Variants in CHMP6 observed in about 807,000 individuals in gnomAD.
CHMP6 encodes charged multivesicular body protein 6.
In CHMP6, 10 loss-of-function variants were observed where a neutral mutation model predicts 32.8. The ratio of observed to expected loss-of-function variants is 0.30; its 90% CI spans 0.19 to 0.52. The LOEUF (loss-of-function observed/expected upper bound fraction) is 0.52, where lower values mean the gene tolerates loss of function less well. Ranked by LOEUF, CHMP6 falls within the 20% of genes least tolerant of loss-of-function variation. The pLI is 0.97. For missense variants in CHMP6, 269 were observed against 263.8 expected, an observed-to-expected ratio of 1.02 and a Z score of -0.14; for synonymous variants, 123 against 105.8, an observed-to-expected ratio of 1.16 and a Z score of -1.00.
intron 3 of CHMP6, 67 bp downstream of exon 3, chr17:80,995,173 G>T: frequency 1.4e-6 from 2 of 1,459,104 alleles, no homozygotes; most frequent in South Asian, 1.2e-5. Context: ...CGGCTGCGTG[G>T]ACATCAGAAA....
chr17:80,993,814 C>T (rs143215046), intron 1 of CHMP6, among the ~76,000 whole-genome samples: 3 of 152,168 alleles, frequency 2.0e-5, no homozygotes, highest in East Asian at 1.9e-4. Flanking sequence ...GCATCTCATG[C>T]GGCTGAAGCG....
chr17:80,994,202 C>G (rs952221712), intron 1 of CHMP6, among the ~76,000 whole-genome samples: 4 of 152,256 alleles, frequency 2.6e-5, no homozygotes, highest in African/African-American at 4.8e-5. Context: ...GCGTGAGCCA[C>G]TGCGCCCAGC....
intron 1 of CHMP6, among the ~76,000 whole-genome samples, chr17:80,992,423 C>T (rs1319693471): frequency 6.6e-6 from 1 of 152,226 alleles, no homozygotes; most frequent in Non-Finnish European, 1.5e-5. Flanking sequence ...CATTTGCCTC[C>T]TGGTGCCCTG....
At chr17:80,994,133 C>T (rs891794288) in intron 1 of CHMP6, among the ~76,000 whole-genome samples, 6 of 152,198 alleles carry the variant, frequency 3.9e-5, no homozygotes, top group Non-Finnish European at 8.8e-5. Context: ...CCAGGATGGT[C>T]TCGATCTCCT....
intron 7 of CHMP6, 47 bp downstream of exon 7, chr17:80,998,467 A>G (rs199819133): frequency 6.2e-7 from 1 of 1,613,694 alleles, no homozygotes; most frequent in African/African-American, 1.3e-5. Flanking sequence ...TCGCAGGAGA[A>G]AAGTGGATTC....
chr17:80,991,895 C>A lies in CHMP6; in HGVS notation c.-24C>A. 1 of 1,442,654 alleles carries A rather than the reference C, an allele frequency of 6.9e-7. No homozygotes were observed. Among genetic ancestry groups the A allele is most frequent in the Non-Finnish European group, 9.2e-7 (1 of 1,089,504 alleles). The allele number at this position is 1,442,654 out of a possible 1,614,324, so 89.4% of individuals were successfully genotyped here. A position where few individuals can be genotyped will look rare whatever the true frequency, so the allele number is the denominator to read the frequency against. On this transcript the variant is annotated 5_prime_UTR_variant, in exon 1 of 8. Coordinates refer to ENST00000325167, the MANE Select transcript of CHMP6 (RefSeq NM_024591.5). The stretch of plus-strand genomic sequence containing the variant: ...GCGGTGGCGATTGGACTTGGTGGGT[C>A]CCGGGCCAGGGGCGGGCGCCGCCAT...
chr17:80,999,068 G>C, intron 7 of CHMP6, 30 bp from the exon 8 acceptor site: 2 of 1,613,172 alleles, frequency 1.2e-6, no homozygotes, highest in Non-Finnish European at 1.7e-6. Context: ...GGTCTTTGGC[G>C]TGTCATAAAC....
At chr17:80,998,634 AC>A (rs1568029754) in intron 7 of CHMP6, 12 of 1,423,600 alleles carry the variant, frequency 8.4e-6, no homozygotes, top group African/African-American at 1.4e-5. Flanking sequence ...AGAGAGCCAT[AC>A]CCCATTCAAA....
chr17:80,993,409 C>A (rs556526074), intron 1 of CHMP6, among the ~76,000 whole-genome samples: 3 of 152,312 alleles, frequency 2.0e-5, no homozygotes, highest in African/African-American at 7.2e-5. Context: ...TGGGGCTGGG[C>A]AGGGGGCACC....
intron 3 of CHMP6, 111 bp from the exon 4 acceptor site, chr17:80,995,561 A>T: frequency 3.5e-6 from 3 of 852,508 alleles, no homozygotes; most frequent in Admixed American, 2.0e-5. Context: ...AGTCACCCTC[A>T]CGCCCAGCAG....
chr17:80,998,425 T>C lies in CHMP6; in HGVS notation c.550+5T>C. On this transcript the variant is annotated splice_donor_5th_base_variant and intron_variant, in intron 7 of 7. Transcript: ENST00000325167. ...CCCTTCCTGAGAAGATCCCAGGTAT[T>C]TCCATGTTTGATTCTTTTGAATGGT... The C allele has an allele frequency of 6.2e-7, 1 of 1,614,168 alleles. No individual in the cohort carries two copies. The highest frequency in any genetic ancestry group is 1.1e-5 in the South Asian group (1 of 91,088).
At position 80,999,211 on chromosome 17, in the gene CHMP6, G is replaced by A. The variant is rs2069665069; in HGVS notation, c.*58G>A. On this transcript the variant is annotated 3_prime_UTR_variant, in exon 8 of 8. Transcript: ENST00000325167. The stretch of plus-strand genomic sequence containing the variant: ...CCCCAGGGACTGTGGCCCACAGAGA[G>A]TTTGGGTCACGGCCAGCCCCTGACC... The A allele has an allele frequency of 1.0e-5, 16 of 1,601,636 alleles. No individual in the cohort carries two copies. In the South Asian group the frequency reaches 1.5e-4, roughly 15 times the overall value.
intron 3 of CHMP6, 141 bp downstream of exon 3, chr17:80,995,247 G>A (rs543546401): frequency 1.6e-5 from 13 of 789,432 alleles, no homozygotes; most frequent in African/African-American, 7.0e-5. Flanking sequence ...GAAGAGGGGC[G>A]GGCCTGGAAT....
intron 1 of CHMP6, among the ~76,000 whole-genome samples, chr17:80,993,213 G>C (rs1455986311): frequency 1.3e-5 from 2 of 152,132 alleles, no homozygotes; most frequent in Non-Finnish European, 2.9e-5. Context: ...GGTCTCCCTG[G>C]GATTTTGGGT....
Position 80,998,387 on chromosome 17 carries a change from G to A in CHMP6, c.517G>A (p.Val173Ile), listed in dbSNP as rs745597012. The A allele has an allele frequency of 1.9e-6, 3 of 1,614,226 alleles. 1 individual carries two copies. The highest frequency in any genetic ancestry group is 4.5e-5 in the East Asian group (2 of 44,880). The change falls in exon 7 of 8, where the codon GTT becomes ATT. Residue 173 changes from valine to isoleucine, a missense_variant. Transcript: ENST00000325167. ...ITQEQIELPE[V>I]PSEPLPEKIP... is the part of the protein sequence containing the mutation. ...GCAGGAACAAATAGAGCTGCCAGAG[G>A]TTCCCTCCGAGCCCCTTCCTGAGAA... is the stretch of plus-strand genomic sequence containing the variant.
intron 1 of CHMP6, among the ~76,000 whole-genome samples, chr17:80,993,479 G>T (rs572862125): frequency 1.1e-4 from 16 of 152,316 alleles, no homozygotes; most frequent in Middle Eastern, 3.4e-3. Flanking sequence ...AGACTCCGTG[G>T]GTGGAGGGAA....
chr17:80,999,083 C>G lies in CHMP6; in HGVS notation c.551-15C>G, dbSNP rs142317825. On this transcript the variant is annotated splice_polypyrimidine_tract_variant and intron_variant, in intron 7 of 7. Transcript: ENST00000325167. ...GGTCTTTGGCGTGTCATAAACATCT[C>G]TGTTTCCTCCACAGAAAACGTCCCT... is the stretch of plus-strand genomic sequence containing the variant. 7 of 1,613,676 alleles carry G rather than the reference C, an allele frequency of 4.3e-6. No individual in the cohort carries two copies. The highest frequency in any genetic ancestry group is 5.1e-6 in the Non-Finnish European group (6 of 1,179,818).
rs377068389 is a variant in CHMP6 at position 80,997,033 on chromosome 17, G to A, written c.375G>A (p.Arg125=). ...TGATGTCCATTGAAGAGGTGGAGAGGATCCTGGACGAGACGCAGGAGGCCG... is the reference window on the plus strand; with the variant it reads ...TGATGTCCATTGAAGAGGTGGAGAGAATCCTGGACGAGACGCAGGAGGCCG... The part of the protein sequence containing the change: ...HQVMSIEEVE[R]ILDETQEAVE... Residue 125 remains arginine, a synonymous_variant, in exon 5 of 8, where the codon AGG becomes AGA. Transcript: ENST00000325167. 3 of 1,613,858 alleles carry A rather than the reference G, an allele frequency of 1.9e-6. No homozygotes were observed. Among genetic ancestry groups the A allele is most frequent in the Non-Finnish European group, 2.5e-6 (3 of 1,179,968 alleles).
chr17:80,992,042 C>T lies in CHMP6; in HGVS notation c.63+61C>T, dbSNP rs2069596716. The stretch of plus-strand genomic sequence containing the variant: ...GGACAGGCGACGGGGCCGGGGCGGG[C>T]GGCGGGGCCGGAAGAGCCCCGCGCC... On this transcript the variant is annotated intron_variant, in intron 1 of 7. Transcript: ENST00000325167. 4 of 1,211,046 alleles carry T rather than the reference C, an allele frequency of 3.3e-6. No individual in the cohort carries two copies. In the South Asian group the frequency reaches 1.1e-4, roughly 32 times the overall value. The allele number at this position is 1,211,046 out of a possible 1,614,324, so 75.0% of individuals were successfully genotyped here. A position where few individuals can be genotyped will look rare whatever the true frequency, so the allele number is the denominator to read the frequency against.
Sources: allele counts gnomAD v4.1 joint callset (sites outside exome capture counted in the v4.1 genomes callset), GRCh38; gene constraint gnomAD v4.1.1; transcripts MANE v1.5; gene names NCBI Gene and HGNC (gene_info 2026-07-23, HGNC 2026-07-21).